Variants in NMNAT2 observed in about 807,000 individuals in gnomAD.
NMNAT2 encodes the protein nicotinamide nucleotide adenylyltransferase 2.
NMNAT2 carries 11 observed loss-of-function variants against 41.6 expected under a neutral mutation model. That is an observed-to-expected ratio of 0.26 (90% CI 0.17 to 0.44). The LOEUF (loss-of-function observed/expected upper bound fraction) is 0.44. Among genes scored for constraint, NMNAT2 ranks in the 20% least tolerant of loss-of-function variants. The pLI is 1.00. For synonymous variants in NMNAT2, 148 were observed against 151.2 expected, an observed-to-expected ratio of 0.98 and a Z score of 0.16; for missense variants, 288 against 407.7, an observed-to-expected ratio of 0.71 and a Z score of 2.53.
Position 183,333,333 on chromosome 1 carries a change from C to T in NMNAT2, c.86-39540G>A, listed in dbSNP as rs140431800. On this transcript the variant is annotated intron_variant, in intron 1 of 10. Coordinates refer to ENST00000287713, the MANE Select transcript of NMNAT2 (RefSeq NM_015039.4). The stretch of plus-strand genomic sequence containing the variant: ...ACTGCCCCCATGAAGATATCCACAT[C>T]CTAATCCCCAGAATCTGAGAGTATG... Among the ~76,000 whole-genome samples the T allele has an allele frequency of 2.2e-3, 332 of 152,302 alleles. 1 individual carries two copies. Among genetic ancestry groups the T allele is most frequent in the Middle Eastern group, 6.8e-3 (2 of 294 alleles).
chr1:183,371,089 G>C (rs1411182568), intron 1 of NMNAT2, among the ~76,000 whole-genome samples: 1 of 152,186 alleles, frequency 6.6e-6, no homozygotes, highest in Admixed American at 6.5e-5. Flanking sequence ...AAAAAGGCCA[G>C]GGGCAGGAGT....
intron 1 of NMNAT2, among the ~76,000 whole-genome samples, chr1:183,337,721 C>G (rs1280540052): frequency 1.3e-5 from 2 of 152,126 alleles, no homozygotes; most frequent in Non-Finnish European, 2.9e-5. Flanking sequence ...TCGTTTCCTG[C>G]TCCATTTTTA....
In NMNAT2 at chr1:183,290,322, T is replaced by G. The variant is rs1661508289; in HGVS notation, c.243-116A>C. 6.7e-6 allele frequency: 5 copies of G among 748,806 alleles called. No individual in the cohort carries two copies. The Admixed American group carries it at 1.3e-4, about 20-fold the overall frequency. The allele number at this position is 748,806 out of a possible 1,614,324, so 46.4% of individuals were successfully genotyped here. ...GGCAGATCTGGCCATACCATGCGCT[T>G]AGATCTTGAATCAGATAAAACCTGG... On this transcript the variant is annotated intron_variant, in intron 3 of 10. Transcript: ENST00000287713.
intron 1 of NMNAT2, among the ~76,000 whole-genome samples, chr1:183,388,972 C>CAA (rs1450150521): frequency 6.6e-6 from 1 of 152,218 alleles, no homozygotes; most frequent in African/African-American, 2.4e-5. Flanking sequence ...ACCCTCAAAG[C>CAA]AAACACACGT....
At chr1:183,359,583 T>C (rs1359974052) in intron 1 of NMNAT2, among the ~76,000 whole-genome samples, 1 of 152,186 alleles carries the variant, frequency 6.6e-6, no homozygotes, top group East Asian at 1.9e-4. Context: ...GTACTGGCCT[T>C]GGGTAAACCT....
intron 1 of NMNAT2, among the ~76,000 whole-genome samples, chr1:183,393,079 A>G (rs1648528310): frequency 6.6e-6 from 1 of 152,218 alleles, no homozygotes. Context: ...AAACTCACAG[A>G]GAGCATCTCT....
chr1:183,277,725 G>A (rs140201866), intron 8 of NMNAT2, among the ~76,000 whole-genome samples: 10 of 152,050 alleles, frequency 6.6e-5, no homozygotes, highest in East Asian at 1.9e-4. Flanking sequence ...ATAGTACAAC[G>A]TTTCTTTAAA....
chr1:183,395,031 C>T (rs929171338), intron 1 of NMNAT2, among the ~76,000 whole-genome samples: 2 of 152,138 alleles, frequency 1.3e-5, no homozygotes, highest in African/African-American at 4.8e-5. Flanking sequence ...CTACCATGGG[C>T]AACCAGGTAT....
intron 1 of NMNAT2, among the ~76,000 whole-genome samples, chr1:183,402,369 A>G (rs1175861671): frequency 6.6e-6 from 1 of 152,184 alleles, no homozygotes; most frequent in Non-Finnish European, 1.5e-5. Context: ...TAATAAGACC[A>G]TCTTGACTAA....
chr1:183,261,511 G>C (rs1047013748), intron 8 of NMNAT2, among the ~76,000 whole-genome samples: 3 of 152,168 alleles, frequency 2.0e-5, no homozygotes, highest in African/African-American at 7.2e-5. Context: ...AGCATTGACT[G>C]GTCACAGAAG....
chr1:183,316,575 C>T (rs987057165), intron 1 of NMNAT2, among the ~76,000 whole-genome samples: 1 of 152,186 alleles, frequency 6.6e-6, no homozygotes, highest in Non-Finnish European at 1.5e-5. Context: ...CGCCAGCCCC[C>T]CACCAGGCAC....
At chr1:183,346,519 A>G (rs984460092) in intron 1 of NMNAT2, among the ~76,000 whole-genome samples, 1 of 152,180 alleles carries the variant, frequency 6.6e-6, no homozygotes, top group East Asian at 1.9e-4. Flanking sequence ...CCACATCACC[A>G]AGACAAAACT....
Position 183,278,545 on chromosome 1 carries a change from C to T in NMNAT2, c.651+8G>A. Reference sequence around the variant, plus strand: ...AGCTGGGTGCCAGGCAATAACCTTGCTACTCACATCTGCCTCGTTCCAGAG... The same window carrying T: ...AGCTGGGTGCCAGGCAATAACCTTGTTACTCACATCTGCCTCGTTCCAGAG... On this transcript the variant is annotated splice_region_variant and intron_variant, in intron 8 of 10. Coordinates refer to ENST00000287713, the MANE Select transcript of NMNAT2 (RefSeq NM_015039.4). 2 of 1,603,748 alleles carry T rather than the reference C, an allele frequency of 1.2e-6. No individual in the cohort carries two copies. The highest frequency in any genetic ancestry group is 2.2e-5 in the East Asian group (1 of 44,832).
intron 8 of NMNAT2, among the ~76,000 whole-genome samples, chr1:183,276,775 GC>G (rs1330436588): frequency 1.3e-5 from 2 of 152,220 alleles, no homozygotes; most frequent in South Asian, 2.1e-4. Flanking sequence ...ACAGAACTTT[GC>G]CCGCATTACT....
At chr1:183,345,295 G>A (rs2102348235) in intron 1 of NMNAT2, among the ~76,000 whole-genome samples, 1 of 152,060 alleles carries the variant, frequency 6.6e-6, no homozygotes, top group African/African-American at 2.4e-5. Context: ...AATCCCCATG[G>A]TAAATTATAT....
intron 1 of NMNAT2, among the ~76,000 whole-genome samples, chr1:183,417,133 G>A (rs1244536732): frequency 6.6e-6 from 1 of 152,088 alleles, no homozygotes; most frequent in Non-Finnish European, 1.5e-5. Flanking sequence ...AAACGCTCAT[G>A]CCCCACGCCT....
chr1:183,416,040 C>T (rs1266211852), intron 1 of NMNAT2, among the ~76,000 whole-genome samples: 1 of 152,216 alleles, frequency 6.6e-6, no homozygotes, highest in Non-Finnish European at 1.5e-5. Context: ...TGCCAAAAGT[C>T]TCCTTTCACC....
At chr1:183,345,526 G>A (rs547134989) in intron 1 of NMNAT2, among the ~76,000 whole-genome samples, 2 of 152,132 alleles carry the variant, frequency 1.3e-5, no homozygotes, top group South Asian at 4.2e-4. Flanking sequence ...ATAAGAAGGG[G>A]AAGAGAGACC....
chr1:183,392,819 T>C (rs1395202213), intron 1 of NMNAT2, among the ~76,000 whole-genome samples: 1 of 152,224 alleles, frequency 6.6e-6, no homozygotes. Context: ...GTCACCTCAA[T>C]GTGATTCCCC....
Sources: gnomAD v4.1 joint callset for allele counts (sites outside exome capture counted in the v4.1 genomes callset) on GRCh38, gnomAD v4.1.1 for gene constraint, MANE v1.5 for transcripts, NCBI Gene and HGNC (gene_info 2026-07-23, HGNC 2026-07-21) for gene names.